COL25A1: variants seen among roughly 807,000 people sequenced by gnomAD.
COL25A1 encodes collagen alpha-1(XXV) chain.
COL25A1 carries 103 observed loss-of-function variants against 128.4 expected under a neutral mutation model. That is an observed-to-expected ratio of 0.80 (90% CI 0.68 to 0.94). COL25A1 has a LOEUF of 0.94. Among genes scored for constraint, COL25A1 ranks in the 40% least tolerant of loss-of-function variants. COL25A1 has a pLI of 0.00. For synonymous variants in COL25A1, 279 were observed against 277.2 expected (o/e 1.01, Z -0.06); for missense variants, 745 against 840.0 (o/e 0.89, Z 1.40).
At position 108,889,727 on chromosome 4, in the gene COL25A1, G is replaced by T. The variant is rs768375987; in HGVS notation, c.913C>A (p.Pro305Thr). Reference protein sequence around the residue: ...PKGDTGEKGDPGSSAAGIKGE... With the variant: ...PKGDTGEKGDTGSSAAGIKGE... ...TTAATTCCTGCAGCAGATGATCCAGGGTCACCCTAAAACGAAACCCAGGAG... is the reference window on the plus strand; with the variant it reads ...TTAATTCCTGCAGCAGATGATCCAGTGTCACCCTAAAACGAAACCCAGGAG... The change falls in exon 17 of 38, where the codon CCT (proline) becomes ACT (threonine). Residue 305 changes from proline to threonine, a missense_variant. Around this residue, in one of 3 missense-constraint regions of COL25A1, gnomAD observed 39 missense variants for 73.3 expected, o/e 0.53. Transcript: ENST00000399132. 3 of 1,613,334 alleles carry T rather than the reference G, an allele frequency of 1.9e-6. No homozygotes were observed. The highest frequency in any genetic ancestry group is 2.5e-6 in the Non-Finnish European group (3 of 1,179,514).
At chr4:109,035,661 T>C (rs994933056) in intron 5 of COL25A1, among the ~76,000 whole-genome samples, 1 of 152,086 alleles carries the variant, frequency 6.6e-6, no homozygotes, top group Non-Finnish European at 1.5e-5. Context: ...AGGAAGAGGT[T>C]TCCCAATCCA....
chr4:109,007,585 T>A (rs757757292), intron 6 of COL25A1, among the ~76,000 whole-genome samples: 1 of 152,124 alleles, frequency 6.6e-6, no homozygotes, highest in Admixed American at 6.5e-5. Context: ...TGCTGTGATG[T>A]GAGGAAGACA....
chr4:109,048,141 A>T (rs752931897), intron 5 of COL25A1, 27 bp downstream of exon 5: 11 of 1,610,820 alleles, frequency 6.8e-6, no homozygotes, highest in Middle Eastern at 1.7e-4. Context: ...AAATGCAAAC[A>T]AGCCAAAGTG....
intron 3 of COL25A1, among the ~76,000 whole-genome samples, chr4:109,231,950 T>C (rs893989681): frequency 3.9e-5 from 6 of 152,188 alleles, no homozygotes; most frequent in Non-Finnish European, 5.9e-5. Flanking sequence ...AGAACTTAGT[T>C]ATATACAATT....
chr4:109,301,937 G>T lies in COL25A1; in HGVS notation c.83C>A (p.Ala28Asp). ...GACGGCACACGGGGGCATGGTCCGG[G>T]CACAATGCTGTTCGGCAGGGGTCGG... Reference protein sequence around the residue: ...EDPTPAEQHCARTMPPCAVLA... With the variant: ...EDPTPAEQHCDRTMPPCAVLA... The change falls in exon 2 of 38, where the codon GCC becomes GAC. Residue 28 changes from alanine to aspartate, a missense_variant. This residue lies in a region of COL25A1 where 319 missense variants were observed against 324.9 expected (regional missense o/e 0.98). Transcript: ENST00000399132. The T allele has an allele frequency of 6.2e-7, 1 of 1,613,762 alleles. No homozygotes were observed. Among genetic ancestry groups the T allele is most frequent in the Non-Finnish European group, 8.5e-7 (1 of 1,180,026 alleles).
chr4:108,981,480 TATAG>T (rs1328393675), intron 6 of COL25A1, among the ~76,000 whole-genome samples: 3 of 152,206 alleles, frequency 2.0e-5, no homozygotes, highest in African/African-American at 7.2e-5. Context: ...CGTATGTAAG[TATAG>T]ATAAATTGTG....
At chr4:109,157,824 T>C (rs968890179) in intron 3 of COL25A1, among the ~76,000 whole-genome samples, 14 of 152,198 alleles carry the variant, frequency 9.2e-5, no homozygotes, top group African/African-American at 3.4e-4. Context: ...AACGAGACTC[T>C]AGGCTATTGG....
chr4:108,898,786 A>AT (rs1355553927), intron 15 of COL25A1, among the ~76,000 whole-genome samples: 11 of 152,174 alleles, frequency 7.2e-5, no homozygotes, highest in African/African-American at 2.7e-4. Context: ...TTAAAAGCTT[A>AT]AAAGCCTGAC....
chr4:109,164,748 G>T (rs960278472), intron 3 of COL25A1, among the ~76,000 whole-genome samples: 1 of 152,130 alleles, frequency 6.6e-6, no homozygotes, highest in African/African-American at 2.4e-5. Context: ...TGTTATATGA[G>T]AATGTTTTTG....
intron 36 of COL25A1, among the ~76,000 whole-genome samples, chr4:108,818,020 A>G (rs866055110): frequency 6.6e-6 from 1 of 152,168 alleles, no homozygotes; most frequent in African/African-American, 2.4e-5. Context: ...TACAGCATTT[A>G]TCGATTTCTC....
chr4:109,184,875 GC>G (rs1345932124), intron 3 of COL25A1, among the ~76,000 whole-genome samples: 2 of 152,100 alleles, frequency 1.3e-5, no homozygotes, highest in Non-Finnish European at 2.9e-5. Context: ...TTATTCAACA[GC>G]TCAAACTATT....
At chr4:109,257,917 A>C (rs1408496620) in intron 3 of COL25A1, among the ~76,000 whole-genome samples, 1 of 152,252 alleles carries the variant, frequency 6.6e-6, no homozygotes, top group African/African-American at 2.4e-5. Context: ...AGAGAATTTC[A>C]AAGGAAGGAT....
At chr4:109,213,030 T>C (rs1303898586) in intron 3 of COL25A1, among the ~76,000 whole-genome samples, 3 of 152,134 alleles carry the variant, frequency 2.0e-5, no homozygotes, top group Non-Finnish European at 4.4e-5. Flanking sequence ...GGGTGTCCTG[T>C]TTCTGTCCAG....
intron 3 of COL25A1, among the ~76,000 whole-genome samples, chr4:109,195,698 C>T (rs546413294): frequency 6.6e-6 from 1 of 152,172 alleles, no homozygotes; most frequent in Non-Finnish European, 1.5e-5. Context: ...TTGAACAGAT[C>T]ATGACATACA....
intron 6 of COL25A1, among the ~76,000 whole-genome samples, chr4:108,983,645 G>A (rs771451094): frequency 6.6e-6 from 1 of 151,878 alleles, no homozygotes. Context: ...GAGTTTGTTC[G>A]GATGTGTTTG....
At chr4:108,927,422 T>C (rs763659750) in intron 11 of COL25A1, among the ~76,000 whole-genome samples, 18 of 152,328 alleles carry the variant, frequency 1.2e-4, no homozygotes, top group Non-Finnish European at 2.2e-4. Flanking sequence ...AATTATTAAA[T>C]TATGTTTAGC....
intron 18 of COL25A1, among the ~76,000 whole-genome samples, chr4:108,888,177 G>A (rs951081879): frequency 3.3e-5 from 5 of 152,062 alleles, no homozygotes; most frequent in Non-Finnish European, 7.4e-5. Context: ...TTAAAAGAAT[G>A]TGAAAGACCT....
rs545787375 is a variant in COL25A1 at position 109,148,460 on chromosome 4, A to G, written c.368-98281T>C. On this transcript the variant is annotated intron_variant, in intron 3 of 37. Coordinates refer to ENST00000399132, the MANE Select transcript of COL25A1 (RefSeq NM_198721.4). ...GTCCAAAACAAATATTCATTCTACC[A>G]TCCCACCAGGTACCCAAATTAGAAA... Among the ~76,000 whole-genome samples the G allele has an allele frequency of 5.3e-5, 8 of 152,250 alleles. No individual in the cohort carries two copies. In the South Asian group the frequency reaches 1.7e-3, roughly 32 times the overall value.
intron 3 of COL25A1, among the ~76,000 whole-genome samples, chr4:109,076,339 G>C (rs1347139488): frequency 2.0e-5 from 3 of 152,062 alleles, no homozygotes; most frequent in Non-Finnish European, 2.9e-5. Context: ...TCTTTAAGAG[G>C]GAATTTGTTC....
Sources: gnomAD v4.1 joint callset for allele counts (sites outside exome capture counted in the v4.1 genomes callset) on GRCh38, gnomAD v4.1.1 for gene constraint, gnomAD v4.1.1 regional missense constraint, MANE v1.5 for transcripts, NCBI Gene and HGNC (gene_info 2026-07-23, HGNC 2026-07-21) for gene names.